MTHFD1L: variants seen among roughly 807,000 people sequenced by gnomAD.
MTHFD1L encodes the protein monofunctional C1-tetrahydrofolate synthase, mitochondrial.
Under a neutral mutation model 119.5 loss-of-function variants are expected in MTHFD1L, and 81 were observed. The observed-to-expected ratio is 0.68, with a 90% CI of 0.57 to 0.82. The LOEUF (loss-of-function observed/expected upper bound fraction) is 0.82. MTHFD1L is among the 40% of genes least tolerant of loss of function. The pLI is 0.00. For synonymous variants in MTHFD1L, 430 were observed against 475.2 expected, an observed-to-expected ratio of 0.90 and a Z score of 1.24; for missense variants, 1,125 against 1,253.4, an observed-to-expected ratio of 0.90 and a Z score of 1.55.
intron 24 of MTHFD1L, among the ~76,000 whole-genome samples, chr6:151,017,723 G>T (rs977867384): frequency 3.3e-5 from 5 of 151,782 alleles, no homozygotes; most frequent in African/African-American, 1.2e-4. Context: ...TCCATCTGTG[G>T]ATGGACACTT....
chr6:150,954,989 C>G (rs1316657579), intron 16 of MTHFD1L, among the ~76,000 whole-genome samples: 2 of 152,114 alleles, frequency 1.3e-5, no homozygotes, highest in Non-Finnish European at 2.9e-5. Context: ...CGCCACCCCC[C>G]ACAATTCTAC....
chr6:150,997,796 A>G (rs1275299605), intron 20 of MTHFD1L, among the ~76,000 whole-genome samples: 1 of 152,164 alleles, frequency 6.6e-6, no homozygotes. Flanking sequence ...AAAAATACAT[A>G]CACTGACTAA....
intron 10 of MTHFD1L, among the ~76,000 whole-genome samples, chr6:150,923,995 T>TA (rs1180171963): frequency 6.6e-6 from 1 of 152,182 alleles, no homozygotes; most frequent in Non-Finnish European, 1.5e-5. Context: ...TACAAAGTGC[T>TA]AAAAAAGATT....
At chr6:150,915,291 G>A (rs1435877274) in intron 8 of MTHFD1L, among the ~76,000 whole-genome samples, 1 of 151,888 alleles carries the variant, frequency 6.6e-6, no homozygotes, top group African/African-American at 2.4e-5. Context: ...CTATCATAGT[G>A]TTAGTGTATT....
intron 24 of MTHFD1L, among the ~76,000 whole-genome samples, chr6:151,027,630 C>CT (rs769049465): frequency 0.01 from 1,420 of 138,208 alleles, 8 homozygotes; most frequent in African/African-American, 0.026. Context: ...CTGAGCTTGG[C>CT]TTTTTTTTTT....
Position 150,926,211 on chromosome 6 carries a change from A to C in MTHFD1L, c.1172A>C (p.Tyr391Ser), listed in dbSNP as rs753350178. The stretch of plus-strand genomic sequence containing the variant: ...TTGCTTGCAGATGAAATTGAAATCT[A>C]TGGCAAAAGCAAAGCCAAAGTACGT... ...IGLLADEIEI[Y>S]GKSKAKVRLS... The change falls in exon 11 of 28, where the codon TAT (tyrosine) becomes TCT (serine). Residue 391 changes from tyrosine to serine, a missense_variant. Around this residue, in one of 3 missense-constraint regions of MTHFD1L, gnomAD observed 1,058 missense variants for 1,151.2 expected, o/e 0.92. Coordinates refer to ENST00000367321, the MANE Select transcript of MTHFD1L (RefSeq NM_015440.5). The surrounding 1 kb of genome is among the most constrained non-coding windows in gnomAD (Gnocchi z 4.3). 1 of 1,614,156 alleles carries C rather than the reference A, an allele frequency of 6.2e-7. No homozygotes were observed.
intron 8 of MTHFD1L, among the ~76,000 whole-genome samples, chr6:150,917,079 A>G (rs1788108238): frequency 6.6e-6 from 1 of 151,532 alleles, no homozygotes; most frequent in African/African-American, 2.4e-5. Context: ...AACTTCTATG[A>G]TAGAGAATTT....
At chr6:151,069,888 A>G (rs1039808405) in intron 26 of MTHFD1L, among the ~76,000 whole-genome samples, 8 of 152,202 alleles carry the variant, frequency 5.3e-5, no homozygotes, top group African/African-American at 1.7e-4. Flanking sequence ...CATAGAAGCT[A>G]TGTTTTTCTA....
At chr6:151,032,439 C>G (rs975285906) in intron 24 of MTHFD1L, among the ~76,000 whole-genome samples, 1 of 152,142 alleles carries the variant, frequency 6.6e-6, no homozygotes, top group Non-Finnish European at 1.5e-5. Flanking sequence ...CACTCATTAT[C>G]GTGAGGACAG....
At position 151,064,350 on chromosome 6, in the gene MTHFD1L, T is replaced by C. The variant is rs554677707; in HGVS notation, c.2847+27233T>C. 1.9e-3 allele frequency among the ~76,000 whole-genome samples: 287 copies of C among 152,298 alleles called. 1 individual carries two copies. Among genetic ancestry groups the C allele is most frequent in the African/African-American group, 5.8e-3 (242 of 41,566 alleles). ...TATTATTTGAGATGGAGTCACTCTG[T>C]CGCCCAGGCTGGAGTACAGTGGTGT... On this transcript the variant is annotated intron_variant, in intron 26 of 27. Transcript: ENST00000367321.
In MTHFD1L at chr6:150,885,629, T is replaced by G; in HGVS notation, c.543-5T>G. The G allele has an allele frequency of 6.2e-7, 1 of 1,612,326 alleles. No individual in the cohort carries two copies. Among genetic ancestry groups the G allele is most frequent in the South Asian group, 1.1e-5 (1 of 90,830 alleles). ...CTTAACCTACTTCTTTATTTTCTGA[T>G]TCAGAGTAACAGACATAAACCTGGG... On this transcript the variant is annotated splice_polypyrimidine_tract_variant and splice_region_variant and intron_variant, in intron 5 of 27. Coordinates refer to ENST00000367321, the MANE Select transcript of MTHFD1L (RefSeq NM_015440.5).
chr6:150,966,619 C>A (rs955693135), intron 19 of MTHFD1L, among the ~76,000 whole-genome samples: 1 of 152,086 alleles, frequency 6.6e-6, no homozygotes, highest in Non-Finnish European at 1.5e-5. Context: ...GGTCAGGAAC[C>A]TCGAGACCAG....
intron 8 of MTHFD1L, among the ~76,000 whole-genome samples, chr6:150,916,760 T>A (rs1449319363): frequency 2.0e-5 from 1 of 50,934 alleles, no homozygotes; most frequent in African/African-American, 1.3e-4. Context: ...TTTTTTTTTT[T>A]TTTTTTTTTT....
chr6:151,038,464 G>T (rs566650743), intron 26 of MTHFD1L, among the ~76,000 whole-genome samples: 2 of 152,226 alleles, frequency 1.3e-5, no homozygotes, highest in East Asian at 3.9e-4. Context: ...GCAGGACAGG[G>T]TCACATGGCC....
At chr6:151,064,739 C>T (rs1791035320) in intron 26 of MTHFD1L, among the ~76,000 whole-genome samples, 1 of 152,002 alleles carries the variant, frequency 6.6e-6, no homozygotes, top group Admixed American at 6.6e-5. Context: ...CATAACTTTT[C>T]AAGGTAGCAA....
At chr6:150,948,935 A>T in intron 15 of MTHFD1L, 96 bp from the exon 16 acceptor site, 1 of 1,054,372 alleles carries the variant, frequency 9.5e-7, no homozygotes, top group Non-Finnish European at 1.4e-6. Context: ...AGGCTTTACC[A>T]ATCATGGAGA....
chr6:150,923,495 T>C (rs1335114138), intron 10 of MTHFD1L, among the ~76,000 whole-genome samples: 2 of 148,032 alleles, frequency 1.4e-5, no homozygotes, highest in Non-Finnish European at 3.0e-5. Context: ...ATAAAATCCC[T>C]CTAGTAACTG....
intron 1 of MTHFD1L, among the ~76,000 whole-genome samples, chr6:150,871,886 A>ATTTTTTTTTTTTTTTTTTTTTTTTT (rs985548250): frequency 2.0e-5 from 3 of 147,534 alleles, no homozygotes; most frequent in African/African-American, 7.5e-5. Flanking sequence ...ATTTTATTTT[A>ATTTTTTTTTTTTTTTTTTTTTTTTT]TTTTATTTTT....
chr6:151,010,971 C>G (rs181372934), intron 21 of MTHFD1L, among the ~76,000 whole-genome samples: 81 of 152,262 alleles, frequency 5.3e-4, no homozygotes, highest in African/African-American at 1.9e-3. Flanking sequence ...GATTTTTATA[C>G]CATTTTACAG....
Sources: gnomAD v4.1 joint callset for allele counts (sites outside exome capture counted in the v4.1 genomes callset) on GRCh38, gnomAD v4.1.1 for gene constraint, gnomAD v4.1.1 regional missense constraint, Gnocchi (gnomAD v3.1) non-coding constraint, MANE v1.5 for transcripts, NCBI Gene and HGNC (gene_info 2026-07-23, HGNC 2026-07-21) for gene names.